The following KCNK10 variants were observed in gnomAD, a reference collection of about 807,000 sequenced individuals.
The protein encoded by KCNK10 is potassium channel subfamily K member 10.
KCNK10 carries 25 observed loss-of-function variants against 47.7 expected under a neutral mutation model. That is an observed-to-expected ratio of 0.52 (90% CI 0.38 to 0.73). The LOEUF is 0.73. KCNK10 is among the 30% of genes least tolerant of loss of function. The pLI is 0.00. For missense variants in KCNK10, 563 were observed against 714.5 expected, an observed-to-expected ratio of 0.79 and a Z score of 2.42; for synonymous variants, 303 against 285.6, an observed-to-expected ratio of 1.06 and a Z score of -0.61.
intron 2 of KCNK10, among the ~76,000 whole-genome samples, chr14:88,247,895 T>C: frequency 6.6e-6 from 1 of 152,202 alleles, no homozygotes; most frequent in East Asian, 1.9e-4. Flanking sequence ...ATTTCCTCTG[T>C]CTCTCTTTGA....
intron 4 of KCNK10, among the ~76,000 whole-genome samples, chr14:88,200,152 T>TTTCC (rs368134795): frequency 4.6e-5 from 7 of 151,960 alleles, no homozygotes; most frequent in South Asian, 2.1e-4. Flanking sequence ...TCCTTTCTTC[T>TTTCC]TTCCTTCCTT....
At chr14:88,226,527 G>T (rs534202771) in intron 4 of KCNK10, among the ~76,000 whole-genome samples, 1 of 152,152 alleles carries the variant, frequency 6.6e-6, no homozygotes, top group African/African-American at 2.4e-5. Context: ...CCTGAGGAAG[G>T]TTTGAAAGAC....
intron 4 of KCNK10, among the ~76,000 whole-genome samples, chr14:88,195,210 C>T (rs1051863619): frequency 6.6e-6 from 1 of 152,138 alleles, no homozygotes; most frequent in Non-Finnish European, 1.5e-5. Context: ...GAAAGACTGC[C>T]TGAGACACAT....
chr14:88,323,035 G>C lies in KCNK10; in HGVS notation c.-237C>G. ...AGGGGGTGGCCGGCCGCGGCCCCGT[G>C]GGTAAAAGAAAAAGTAAGATCGGCG... On this transcript the variant is annotated 5_prime_UTR_variant, in exon 1 of 7. Transcript: ENST00000319231. 7.5e-7 allele frequency: 1 copy of C among 1,337,574 alleles called. No individual in the cohort carries two copies. Among genetic ancestry groups the C allele is most frequent in the South Asian group, 1.7e-5 (1 of 58,262 alleles). 82.9% of individuals were successfully genotyped at this position (1,337,574 alleles called of 1,614,324 possible).
intron 1 of KCNK10, among the ~76,000 whole-genome samples, chr14:88,296,012 T>A (rs1001514145): frequency 6.6e-6 from 1 of 152,132 alleles, no homozygotes; most frequent in Non-Finnish European, 1.5e-5. Context: ...AACCATCCCC[T>A]CCCAATCTGG....
At chr14:88,270,092 T>TC (rs1394462375) in intron 1 of KCNK10, among the ~76,000 whole-genome samples, 1 of 151,280 alleles carries the variant, frequency 6.6e-6, no homozygotes, top group Non-Finnish European at 1.5e-5. Context: ...TCCTCTCACC[T>TC]CCCCCCTCCC....
intron 1 of KCNK10, among the ~76,000 whole-genome samples, chr14:88,290,569 T>C (rs368653225): frequency 6.2e-4 from 94 of 152,270 alleles, no homozygotes; most frequent in African/African-American, 2.2e-3. Context: ...CAGACCAGGA[T>C]GGAGGTTCTA....
chr14:88,242,481 CA>C, intron 2 of KCNK10, among the ~76,000 whole-genome samples: 1 of 152,236 alleles, frequency 6.6e-6, no homozygotes, highest in Non-Finnish European at 1.5e-5. Flanking sequence ...CTGGATGATA[CA>C]GGGGAAAAAA....
upstream of KCNK10, chr14:88,326,705 C>CTG: frequency 1.9e-6 from 1 of 531,750 alleles, no homozygotes. Flanking sequence ...GTCTCTGCAG[C>CTG]TCAAAACCTG....
At chr14:88,303,715 G>A (rs1305564396) in intron 1 of KCNK10, among the ~76,000 whole-genome samples, 1 of 152,170 alleles carries the variant, frequency 6.6e-6, no homozygotes, top group Non-Finnish European at 1.5e-5. Flanking sequence ...AGGTGGGACT[G>A]GTGGGTGCAG....
chr14:88,277,455 T>C (rs1341095416), intron 1 of KCNK10, among the ~76,000 whole-genome samples: 1 of 151,738 alleles, frequency 6.6e-6, no homozygotes, highest in Non-Finnish European at 1.5e-5. Flanking sequence ...AGGCTGGGAG[T>C]GGGCGCAGGT....
chr14:88,230,448 G>C (rs916087049), intron 3 of KCNK10, among the ~76,000 whole-genome samples: 4 of 152,190 alleles, frequency 2.6e-5, no homozygotes, highest in African/African-American at 4.8e-5. Flanking sequence ...TTTTCAGGAA[G>C]AGAAAGCTGG....
intron 2 of KCNK10, among the ~76,000 whole-genome samples, chr14:88,250,746 C>G (rs1886770324): frequency 6.6e-6 from 1 of 152,214 alleles, no homozygotes; most frequent in Admixed American, 6.5e-5. Flanking sequence ...TTTGTCTTAG[C>G]TGGGTGTGGT....
chr14:88,186,204 C>A lies in KCNK10; in HGVS notation c.1012-49G>T. 1.3e-6 allele frequency: 2 copies of A among 1,520,102 alleles called. No individual in the cohort carries two copies. Among genetic ancestry groups the A allele is most frequent in the East Asian group, 2.3e-5 (1 of 43,002 alleles). The allele number at this position is 1,520,102 out of a possible 1,614,324, so 94.2% of individuals were successfully genotyped here. A position where few individuals can be genotyped will look rare whatever the true frequency, so the allele number is the denominator to read the frequency against. ...CAATATGCTGACAAATGCCTCCCTG[C>A]CTTGGCCTCCCAGCACCCACAGCCC... On this transcript the variant is annotated intron_variant, in intron 6 of 6. Transcript: ENST00000319231. This position sits in a 1 kb window ranked among gnomAD's most constrained non-coding sequence, Gnocchi z 5.5.
intron 1 of KCNK10, among the ~76,000 whole-genome samples, chr14:88,292,539 C>T (rs1447500083): frequency 6.6e-6 from 1 of 152,134 alleles, no homozygotes; most frequent in Non-Finnish European, 1.5e-5. Context: ...TCAGTAGAGA[C>T]GGGGTTTTAC....
In KCNK10 at chr14:88,192,186, G is replaced by A. The variant is rs201658752; in HGVS notation, c.868+38C>T. 88 of 1,550,416 alleles carry A rather than the reference G, an allele frequency of 5.7e-5. 1 individual carries two copies. Among genetic ancestry groups the A allele is most frequent in the Middle Eastern group, 2.1e-4 (1 of 4,862 alleles). Reference sequence around the variant, plus strand: ...GCACAGCCAACAGATTATTTTTCCCGCCAGAGCCCCAGTGCCTGGCCTGCC... The same window carrying A: ...GCACAGCCAACAGATTATTTTTCCCACCAGAGCCCCAGTGCCTGGCCTGCC... On this transcript the variant is annotated intron_variant, in intron 5 of 6. Transcript: ENST00000319231.
At chr14:88,192,099 A>G in intron 5 of KCNK10, 125 bp downstream of exon 5, 1 of 844,704 alleles carries the variant, frequency 1.2e-6, no homozygotes, top group Non-Finnish European at 1.9e-6. Flanking sequence ...TCTTCACAGC[A>G]GTAGTGACAC....
In KCNK10 at chr14:88,322,894, A is replaced by G. The variant is rs939496899; in HGVS notation, c.-96T>C. 1 of 1,593,836 alleles carries G rather than the reference A, an allele frequency of 6.3e-7. No individual in the cohort carries two copies. ...CCTCGGTTTAGCAGTCCAACAAAAC[A>G]ATTTCCGAGGATGGGGGAGCCTTGG... is the stretch of plus-strand genomic sequence containing the variant. On this transcript the variant is annotated 5_prime_UTR_variant, in exon 1 of 7. Coordinates refer to ENST00000319231, the MANE Select transcript of KCNK10 (RefSeq NM_138317.3). This position sits in a 1 kb window ranked among gnomAD's most constrained non-coding sequence, Gnocchi z 4.8.
At chr14:88,241,740 G>A (rs1886478092) in intron 2 of KCNK10, among the ~76,000 whole-genome samples, 1 of 152,162 alleles carries the variant, frequency 6.6e-6, no homozygotes, top group African/African-American at 2.4e-5. Context: ...TCTAATTCAA[G>A]CCCTGCTTCT....
Sources: gnomAD v4.1 joint callset for allele counts (sites outside exome capture counted in the v4.1 genomes callset) on GRCh38, gnomAD v4.1.1 for gene constraint, Gnocchi (gnomAD v3.1) non-coding constraint, MANE v1.5 for transcripts, NCBI Gene and HGNC (gene_info 2026-07-23, HGNC 2026-07-21) for gene names.